The following RNGTT variants were observed in gnomAD, a reference collection of about 807,000 sequenced individuals.
The protein encoded by RNGTT is RNA guanylyltransferase and 5'-phosphatase, also known as mRNA-capping enzyme.
In RNGTT, 33 loss-of-function variants were observed where a neutral mutation model predicts 79.3. The observed-to-expected ratio is 0.42, with a 90% CI of 0.32 to 0.56. The LOEUF is 0.56. RNGTT is among the 20% of genes least tolerant of loss of function. The pLI is 0.17. For synonymous variants in RNGTT, 222 were observed against 235.9 expected (o/e 0.94, Z 0.54); for missense variants, 497 against 739.1 (o/e 0.67, Z 3.80).
chr6:88,856,090 G>A (rs542859066), intron 8 of RNGTT, among the ~76,000 whole-genome samples: 8 of 152,180 alleles, frequency 5.3e-5, no homozygotes, highest in East Asian at 3.9e-4. Flanking sequence ...CTCTTAGAAC[G>A]TCAAGATATA....
At chr6:88,852,130 A>G (rs1303140603) in intron 9 of RNGTT, among the ~76,000 whole-genome samples, 1 of 151,898 alleles carries the variant, frequency 6.6e-6, no homozygotes, top group African/African-American at 2.4e-5. Context: ...GGACTTAAAT[A>G]CCTCTCTTTG....
At chr6:88,641,447 C>G (rs924449882) in intron 14 of RNGTT, among the ~76,000 whole-genome samples, 1 of 151,880 alleles carries the variant, frequency 6.6e-6, no homozygotes, top group Non-Finnish European at 1.5e-5. Flanking sequence ...GCTGTAGAGA[C>G]AAGCAAAGGA....
chr6:88,891,796 T>G lies in RNGTT; in HGVS notation c.794+10A>C. ...CAAATTTTATTTAAAAATTTAAAAATATTTATTACCCTTCCCAGCCACAGA... is the reference window on the plus strand; with the variant it reads ...CAAATTTTATTTAAAAATTTAAAAAGATTTATTACCCTTCCCAGCCACAGA... On this transcript the variant is annotated intron_variant, in intron 7 of 15. Coordinates refer to ENST00000369485, the MANE Select transcript of RNGTT (RefSeq NM_003800.5). 5 of 1,505,672 alleles carry G rather than the reference T, an allele frequency of 3.3e-6. No homozygotes were observed. The highest frequency in any genetic ancestry group is 4.4e-6 in the Non-Finnish European group (5 of 1,125,688). 93.3% of individuals were successfully genotyped at this position (1,505,672 alleles called of 1,614,324 possible).
intron 4 of RNGTT, among the ~76,000 whole-genome samples, chr6:88,914,994 C>T (rs555110461): frequency 1.9e-4 from 29 of 152,214 alleles, no homozygotes; most frequent in Admixed American, 1.6e-3. Context: ...AGAGGACATA[C>T]AAGTGGCCCA....
At chr6:88,714,126 A>G (rs1776417399) in intron 13 of RNGTT, 1 of 152,218 alleles carries the variant, frequency 6.6e-6, no homozygotes, top group Admixed American at 6.5e-5. Context: ...TCCCGAAGAT[A>G]CACTACTTAG....
chr6:88,680,856 G>A (rs1775068142), intron 13 of RNGTT, among the ~76,000 whole-genome samples: 1 of 151,978 alleles, frequency 6.6e-6, no homozygotes, highest in South Asian at 2.1e-4. Context: ...CTTACATTTG[G>A]AATGTAAGTG....
intron 13 of RNGTT, among the ~76,000 whole-genome samples, chr6:88,737,502 CT>C (rs1777327497): frequency 6.6e-6 from 1 of 152,146 alleles, no homozygotes; most frequent in Non-Finnish European, 1.5e-5. Flanking sequence ...TCTGTCCCCC[CT>C]CCCCAAATTC....
intron 14 of RNGTT, among the ~76,000 whole-genome samples, chr6:88,655,751 C>G (rs1223749812): frequency 6.6e-6 from 1 of 152,154 alleles, no homozygotes; most frequent in Non-Finnish European, 1.5e-5. Flanking sequence ...AGCCTTACAG[C>G]CACTCACAAT....
intron 12 of RNGTT, among the ~76,000 whole-genome samples, chr6:88,786,812 A>C (rs1295648334): frequency 1.3e-5 from 2 of 152,198 alleles, no homozygotes; most frequent in Non-Finnish European, 2.9e-5. Flanking sequence ...CAAAACTCCT[A>C]TGTTTAAATC....
intron 4 of RNGTT, among the ~76,000 whole-genome samples, chr6:88,926,733 A>C (rs1784331218): frequency 6.6e-6 from 1 of 152,174 alleles, no homozygotes; most frequent in African/African-American, 2.4e-5. Context: ...AGCAGTCTTA[A>C]CTTTTCCAAG....
At chr6:88,912,929 G>T (rs570749832) in intron 4 of RNGTT, among the ~76,000 whole-genome samples, 1 of 152,108 alleles carries the variant, frequency 6.6e-6, no homozygotes, top group African/African-American at 2.4e-5. Flanking sequence ...CCCTAGTCAG[G>T]CACAGTGGCT....
chr6:88,718,207 G>T (rs1776587180), intron 13 of RNGTT, among the ~76,000 whole-genome samples: 1 of 151,782 alleles, frequency 6.6e-6, no homozygotes, highest in African/African-American at 2.4e-5. Context: ...GCCAACATGG[G>T]GAAACCTCAT....
In RNGTT at chr6:88,791,729, C is replaced by G. The variant is rs376579831; in HGVS notation, c.1338+9835G>C. Reference sequence around the variant, plus strand: ...TAATTTTTTGTATTTTTAGTAGAGACAGGGTTTCACCACGTTAGCCAGGAT... The same window carrying G: ...TAATTTTTTGTATTTTTAGTAGAGAGAGGGTTTCACCACGTTAGCCAGGAT... On this transcript the variant is annotated intron_variant, in intron 12 of 15. Transcript: ENST00000369485. Among the ~76,000 whole-genome samples, 42 of 152,052 alleles carry G rather than the reference C, an allele frequency of 2.8e-4. No homozygotes were observed. The East Asian group carries it at 4.1e-3, about 15-fold the overall frequency.
At chr6:88,761,770 C>G (rs1778266936) in intron 13 of RNGTT, among the ~76,000 whole-genome samples, 1 of 152,108 alleles carries the variant, frequency 6.6e-6, no homozygotes, top group Admixed American at 6.5e-5. Context: ...GCAACAAACC[C>G]TAAAATATTG....
chr6:88,722,480 A>C (rs1776739848), intron 13 of RNGTT, among the ~76,000 whole-genome samples: 2 of 152,242 alleles, frequency 1.3e-5, no homozygotes, highest in Non-Finnish European at 2.9e-5. Context: ...AAAGAATCAT[A>C]GCCAAGAACA....
intron 12 of RNGTT, among the ~76,000 whole-genome samples, chr6:88,799,871 T>C (rs1779728185): frequency 6.6e-6 from 1 of 152,146 alleles, no homozygotes; most frequent in African/African-American, 2.4e-5. Flanking sequence ...ACTGAAATTT[T>C]CTGAATTTAT....
rs138984062 is a variant in RNGTT at position 88,661,096 on chromosome 6, A to C, written c.1506+17257T>G. Among the ~76,000 whole-genome samples the C allele has an allele frequency of 5.5e-3, 839 of 152,338 alleles. 7 individuals carry two copies. The highest frequency in any genetic ancestry group is 0.017 in the African/African-American group (726 of 41,582). On this transcript the variant is annotated intron_variant, in intron 14 of 15. Transcript: ENST00000369485. ...GGGTCAACAATGAAATCAAGATGGA[A>C]ATTAAAAAGTTCTTTGAATTGAATG...
At position 88,963,543 on chromosome 6, in the gene RNGTT, G is replaced by A. The variant is rs2127969654; in HGVS notation, c.-134C>T. On this transcript the variant is annotated 5_prime_UTR_variant, in exon 1 of 16. Transcript: ENST00000369485. Reference sequence around the variant, plus strand: ...CCGTAATCTGAATTCCAACCTCTCCGATCCGGGTAACGTCAGGGGCGGCGC... The same window carrying A: ...CCGTAATCTGAATTCCAACCTCTCCAATCCGGGTAACGTCAGGGGCGGCGC... 5.0e-6 allele frequency: 4 copies of A among 800,322 alleles called. No homozygotes were observed. Among genetic ancestry groups the A allele is most frequent in the Non-Finnish European group, 7.4e-6 (4 of 541,630 alleles). The allele number at this position is 800,322 out of a possible 1,614,324, so 49.6% of individuals were successfully genotyped here. A position where few individuals can be genotyped will look rare whatever the true frequency, so the allele number is the denominator to read the frequency against.
intron 8 of RNGTT, among the ~76,000 whole-genome samples, chr6:88,878,077 T>C (rs1215063397): frequency 8.4e-6 from 1 of 118,396 alleles, no homozygotes; most frequent in Non-Finnish European, 1.7e-5. Context: ...ATTTCATTTG[T>C]TTATTTATTT....
Sources: gnomAD v4.1 joint callset for allele counts (sites outside exome capture counted in the v4.1 genomes callset) on GRCh38, gnomAD v4.1.1 for gene constraint, MANE v1.5 for transcripts, NCBI Gene and HGNC (gene_info 2026-07-23, HGNC 2026-07-21) for gene names.